The following RYR3 variants were observed in gnomAD, a reference collection of about 807,000 sequenced individuals.
RYR3 encodes brain ryanodine receptor-calcium release channel.
In RYR3, 207 loss-of-function variants were observed where a neutral mutation model predicts 584.3. The ratio of observed to expected loss-of-function variants is 0.35; its 90% CI spans 0.32 to 0.40. The LOEUF (loss-of-function observed/expected upper bound fraction) is 0.40, where lower values mean the gene tolerates loss of function less well. RYR3 is among the 10% of genes least tolerant of loss of function. The pLI is 1.00. For synonymous variants in RYR3, 2,416 were observed against 2,248.5 expected (o/e 1.07, Z -2.11); for missense variants, 5,616 against 6,089.2 (o/e 0.92, Z 2.59).
At chr15:33,587,775 TATTCCATTGG>T (rs1212832487) in intron 16 of RYR3, among the ~76,000 whole-genome samples, 2 of 152,222 alleles carry the variant, frequency 1.3e-5, no homozygotes, top group East Asian at 3.8e-4. Context: ...CCTTAGGTAC[TATTCCATTGG>T]ATAGCTTTCA....
intron 12 of RYR3, among the ~76,000 whole-genome samples, chr15:33,568,816 A>C (rs2057860024): frequency 6.6e-6 from 1 of 152,184 alleles, no homozygotes; most frequent in Non-Finnish European, 1.5e-5. Context: ...TCACTCCAAA[A>C]ATATCTCCTA....
chr15:33,660,121 A>C, intron 33 of RYR3, 76 bp from the exon 34 acceptor site: 1 of 955,086 alleles, frequency 1.0e-6, no homozygotes, highest in Non-Finnish European at 1.6e-6. Flanking sequence ...TATACTGGCC[A>C]TATCGGTTAA....
chr15:33,374,038 A>C (rs1044749456), intron 1 of RYR3, among the ~76,000 whole-genome samples: 1 of 152,236 alleles, frequency 6.6e-6, no homozygotes, highest in African/African-American at 2.4e-5. Flanking sequence ...GCTGTCAGAA[A>C]ACAAAATTGG....
chr15:33,396,490 T>G (rs560228452), intron 1 of RYR3, among the ~76,000 whole-genome samples: 29 of 152,336 alleles, frequency 1.9e-4, no homozygotes, highest in African/African-American at 7.0e-4. Flanking sequence ...CTCCAACTTC[T>G]AATCTTCTCA....
intron 1 of RYR3, among the ~76,000 whole-genome samples, chr15:33,420,081 C>A (rs1249596507): frequency 6.6e-6 from 1 of 152,168 alleles, no homozygotes; most frequent in East Asian, 1.9e-4. Context: ...GAGATGCAAC[C>A]TATAATTATG....
intron 38 of RYR3, among the ~76,000 whole-genome samples, chr15:33,674,694 G>T (rs2064050155): frequency 6.6e-6 from 1 of 151,356 alleles, no homozygotes. Flanking sequence ...TAAAAGTACA[G>T]ACAAAATACA....
intron 18 of RYR3, among the ~76,000 whole-genome samples, chr15:33,605,486 CTGAT>C (rs1330405022): frequency 6.6e-6 from 1 of 152,196 alleles, no homozygotes; most frequent in Non-Finnish European, 1.5e-5. Context: ...TTTTCAAAAA[CTGAT>C]TGTGGCTCTC....
intron 57 of RYR3, among the ~76,000 whole-genome samples, chr15:33,751,579 G>GTTTTTTTTTTTTTTTTTT (rs200252156): frequency 6.8e-6 from 1 of 147,796 alleles, no homozygotes; most frequent in Non-Finnish European, 1.5e-5. Flanking sequence ...TTTTGATGAG[G>GTTTTTTTTTTTTTTTTTT]TTTTTTTTTT....
intron 67 of RYR3, among the ~76,000 whole-genome samples, chr15:33,795,647 G>A (rs1387334632): frequency 2.6e-5 from 4 of 151,960 alleles, no homozygotes; most frequent in African/African-American, 9.7e-5. Context: ...ACCCACCTTG[G>A]CCTCCCAAAG....
At chr15:33,812,260 G>T (rs1335256295) in intron 72 of RYR3, among the ~76,000 whole-genome samples, 2 of 152,040 alleles carry the variant, frequency 1.3e-5, no homozygotes, top group Non-Finnish European at 2.9e-5. Flanking sequence ...AATTCCTCCT[G>T]AAGACAAGCT....
intron 1 of RYR3, among the ~76,000 whole-genome samples, chr15:33,327,369 T>C (rs750632305): frequency 2.3e-4 from 35 of 152,234 alleles, no homozygotes; most frequent in Non-Finnish European, 7.3e-5. Flanking sequence ...ACACAGGGGC[T>C]GTCTTAAAGC....
At chr15:33,548,849 A>G (rs1219011705) in intron 9 of RYR3, among the ~76,000 whole-genome samples, 1 of 152,150 alleles carries the variant, frequency 6.6e-6, no homozygotes, top group Non-Finnish European at 1.5e-5. Flanking sequence ...GGCTAGAGCT[A>G]AACTGCTTGG....
At position 33,722,994 on chromosome 15, in the gene RYR3, G is replaced by A. The variant is rs1164164513; in HGVS notation, c.6800+99G>A. The A allele has an allele frequency of 3.8e-6, 4 of 1,058,190 alleles. No individual in the cohort carries two copies. In the Admixed American group the frequency reaches 1.0e-4, roughly 26 times the overall value. The allele number at this position is 1,058,190 out of a possible 1,614,324, so 65.6% of individuals were successfully genotyped here. ...TTAGGAGGTAATAGAGAAAGCACAT[G>A]TTCTTAACAGTTACAGCTAAAACAT... is the stretch of plus-strand genomic sequence containing the variant. On this transcript the variant is annotated intron_variant, in intron 44 of 103. Coordinates refer to ENST00000634891, the MANE Select transcript of RYR3 (RefSeq NM_001036.6).
intron 38 of RYR3, among the ~76,000 whole-genome samples, chr15:33,679,056 C>A (rs1156750839): frequency 6.6e-6 from 1 of 152,154 alleles, no homozygotes; most frequent in East Asian, 1.9e-4. Flanking sequence ...ACCTTCTCTG[C>A]TAATAAGTAG....
At chr15:33,651,549 C>T (rs999638654) in intron 31 of RYR3, among the ~76,000 whole-genome samples, 4 of 152,216 alleles carry the variant, frequency 2.6e-5, no homozygotes, top group East Asian at 1.9e-4. Context: ...GAAGGAACCT[C>T]GGAGAATCCT....
intron 48 of RYR3, among the ~76,000 whole-genome samples, chr15:33,732,367 G>A (rs1231657166): frequency 7.2e-6 from 1 of 138,406 alleles, no homozygotes; most frequent in Non-Finnish European, 1.5e-5. Flanking sequence ...CAGCCTGGGC[G>A]ACAGAGCAAG....
At chr15:33,664,329 A>T (rs2063346689) in intron 36 of RYR3, among the ~76,000 whole-genome samples, 1 of 151,910 alleles carries the variant, frequency 6.6e-6, no homozygotes, top group African/African-American at 2.4e-5. Flanking sequence ...CCTTACCCCG[A>T]TGGGAAGGGC....
intron 9 of RYR3, among the ~76,000 whole-genome samples, 167 bp downstream of exon 9, chr15:33,548,371 C>T (rs1255043305): frequency 1.3e-5 from 2 of 152,224 alleles, no homozygotes; most frequent in Non-Finnish European, 2.9e-5. Flanking sequence ...AGAACACACA[C>T]ACACACAATC....
At chr15:33,863,312 G>A (rs1889183073) in intron 102 of RYR3, among the ~76,000 whole-genome samples, 1 of 152,196 alleles carries the variant, frequency 6.6e-6, no homozygotes, top group South Asian at 2.1e-4. Flanking sequence ...CTCAGTAAAT[G>A]AGAAGCGGAA....
Sources: allele counts gnomAD v4.1 joint callset (sites outside exome capture counted in the v4.1 genomes callset), GRCh38; gene constraint gnomAD v4.1.1; transcripts MANE v1.5; gene names NCBI Gene and HGNC (gene_info 2026-07-23, HGNC 2026-07-21).